RSPH9: variants seen among roughly 807,000 people sequenced by gnomAD.
RSPH9 encodes radial spoke head protein 9 homolog.
RSPH9 carries 27 observed loss-of-function variants against 27.0 expected under a neutral mutation model. That is an observed-to-expected ratio of 1.00 (90% confidence interval 0.74 to 1.38). The LOEUF (loss-of-function observed/expected upper bound fraction) is 1.38, where lower values mean the gene tolerates loss of function less well. RSPH9 is among the 40% of genes most tolerant of loss of function. The pLI, the probability that RSPH9 is intolerant of heterozygous loss-of-function variation, is 0.00. For synonymous variants in RSPH9, 145 were observed against 147.7 expected (o/e 0.98, Z 0.13); for missense variants, 347 against 357.4 (o/e 0.97, Z 0.24).
At chr6:43,663,540 C>A (rs1044178018) in intron 4 of RSPH9, among the ~76,000 whole-genome samples, 11 of 152,056 alleles carry the variant, frequency 7.2e-5, no homozygotes, top group African/African-American at 2.4e-4. Context: ...ATTAATTGGC[C>A]TAATTTCATG....
intron 4 of RSPH9, among the ~76,000 whole-genome samples, chr6:43,667,636 C>A (rs978690287): frequency 3.9e-5 from 6 of 152,208 alleles, no homozygotes; most frequent in African/African-American, 1.4e-4. Context: ...ACGGGGCCTG[C>A]CTTTGCTACT....
At chr6:43,656,093 T>C (rs28721527) in intron 3 of RSPH9, among the ~76,000 whole-genome samples, 27,624 of 136,970 alleles carry the variant, frequency 0.2, 4,761 homozygotes, top group African/African-American at 0.45. Context: ...TCCCTCCCTT[T>C]GTTTCTTTCT....
Position 43,645,295 on chromosome 6 carries a change from A to C in RSPH9, c.197A>C (p.Asp66Ala). The C allele has an allele frequency of 6.9e-7, 1 of 1,440,076 alleles. No individual in the cohort carries two copies. Among genetic ancestry groups the C allele is most frequent in the Non-Finnish European group, 9.3e-7 (1 of 1,071,016 alleles). The allele number at this position is 1,440,076 out of a possible 1,614,324, so 89.2% of individuals were successfully genotyped here. The change falls in exon 1 of 5, where the codon GAC (aspartate) becomes GCC (alanine). Residue 66 changes from aspartate to alanine, a missense_variant. Transcript: ENST00000372163. ...TACATCGCGCAGGGCCTGAGTGAGG[A>C]CCAGCTCGCACCGCGCAAGACGCTC... is the stretch of plus-strand genomic sequence containing the variant. Reference protein sequence around the residue: ...DYYIAQGLSEDQLAPRKTLYS... With the variant: ...DYYIAQGLSEAQLAPRKTLYS...
At chr6:43,666,117 T>C (rs969827824) in intron 4 of RSPH9, among the ~76,000 whole-genome samples, 1 of 152,140 alleles carries the variant, frequency 6.6e-6, no homozygotes, top group East Asian at 1.9e-4. Context: ...TAAGCCACCG[T>C]GCCCAGCCTA....
Position 43,671,700 on chromosome 6 carries a change from G to A in RSPH9, c.*751G>A. On this transcript the variant is annotated 3_prime_UTR_variant, in exon 5 of 5. Transcript: ENST00000372163. ...GGAGTATAGTTGTGGCCAAGGGCTTGTGAGTGGGCCTCCTACTCCCCAGCA... is the reference window on the plus strand; with the variant it reads ...GGAGTATAGTTGTGGCCAAGGGCTTATGAGTGGGCCTCCTACTCCCCAGCA... 4.4e-6 allele frequency: 7 copies of A among 1,598,982 alleles called. No individual in the cohort carries two copies. The highest frequency in any genetic ancestry group is 4.3e-6 in the Non-Finnish European group (5 of 1,167,554).
intron 2 of RSPH9, among the ~76,000 whole-genome samples, chr6:43,650,903 T>C (rs900919898): frequency 8.4e-6 from 1 of 118,600 alleles, no homozygotes; most frequent in Admixed American, 8.0e-5. Flanking sequence ...AGACCCTGTC[T>C]ATAAAAAAAA....
At chr6:43,667,168 TC>T (rs1294563271) in intron 4 of RSPH9, among the ~76,000 whole-genome samples, 2 of 152,104 alleles carry the variant, frequency 1.3e-5, no homozygotes, top group East Asian at 3.9e-4. Flanking sequence ...GAAAAACACC[TC>T]CCTTGCCTCA....
At chr6:43,660,351 G>A (rs922365632) in intron 4 of RSPH9, among the ~76,000 whole-genome samples, 8 of 152,032 alleles carry the variant, frequency 5.3e-5, no homozygotes, top group African/African-American at 1.2e-4. Flanking sequence ...CTCCACTGAC[G>A]TCTTGAACCT....
At position 43,656,051 on chromosome 6, in the gene RSPH9, CTTT is replaced by C. The variant is rs1365630823; in HGVS notation, c.523+361_523+363del. On this transcript the variant is annotated intron_variant, in intron 3 of 4. Transcript: ENST00000372163. Reference sequence around the variant, plus strand: ...TTCCTTCCTTCCCCTTCTTTCCCTTCTTTCCCTTCTTTCCCTCCTTCCCTCCCT... The same window carrying C: ...TTCCTTCCTTCCCCTTCTTTCCCTTCCCCTTCTTTCCCTCCTTCCCTCCCT... Among the ~76,000 whole-genome samples, 996 of 142,784 alleles carry C rather than the reference CTTT, an allele frequency of 7.0e-3. 4 individuals are homozygous for C. The highest frequency in any genetic ancestry group is 0.012 in the Non-Finnish European group (763 of 64,882). The allele number at this position is 142,784 out of a possible 152,430, so 93.7% of individuals were successfully genotyped here. A position where few individuals can be genotyped will look rare whatever the true frequency, so the allele number is the denominator to read the frequency against.
intron 4 of RSPH9, among the ~76,000 whole-genome samples, chr6:43,668,480 C>T (rs1773377219): frequency 6.6e-6 from 1 of 152,218 alleles, no homozygotes; most frequent in African/African-American, 2.4e-5. Context: ...ACTGTATTTC[C>T]CTAGCTCCCC....
chr6:43,652,134 G>C (rs570539449), intron 2 of RSPH9, among the ~76,000 whole-genome samples: 2 of 151,264 alleles, frequency 1.3e-5, no homozygotes, highest in Non-Finnish European at 2.9e-5. Flanking sequence ...GTGAAACCCT[G>C]TATCTACTAA....
chr6:43,666,604 T>G (rs1420313810), intron 4 of RSPH9: 5 of 878,824 alleles, frequency 5.7e-6, no homozygotes. Context: ...AGAGCTGTTG[T>G]CCTCATGAGT....
In RSPH9 at chr6:43,645,304, C is replaced by T; in HGVS notation, c.206C>T (p.Ala69Val). 6.2e-7 allele frequency: 1 copy of T among 1,613,694 alleles called. No individual in the cohort carries two copies. The highest frequency in any genetic ancestry group is 8.5e-7 in the Non-Finnish European group (1 of 1,179,984). The change falls in exon 1 of 5, where the codon GCA (alanine) becomes GTA (valine). Residue 69 changes from alanine to valine, a missense_variant. Transcript: ENST00000372163. Reference protein sequence around the residue: ...IAQGLSEDQLAPRKTLYSLNC... With the variant: ...IAQGLSEDQLVPRKTLYSLNC... ...CAGGGCCTGAGTGAGGACCAGCTCG[C>T]ACCGCGCAAGACGCTCTATAGGTGA...
rs77058580 is a variant in RSPH9 at position 43,664,182 on chromosome 6, G to A, written c.671-6607G>A. Among the ~76,000 whole-genome samples, 1,193 of 152,244 alleles carry A rather than the reference G, an allele frequency of 7.8e-3. 5 individuals are homozygous for A. The highest frequency in any genetic ancestry group is 0.012 in the Non-Finnish European group (846 of 68,022). Reference sequence around the variant, plus strand: ...ATAAAAACTGCAGTGTTTGTGAAGAGCAATATATCAAAGTAAACCTGTGAT... The same window carrying A: ...ATAAAAACTGCAGTGTTTGTGAAGAACAATATATCAAAGTAAACCTGTGAT... On this transcript the variant is annotated intron_variant, in intron 4 of 4. Transcript: ENST00000372163.
chr6:43,671,065 CAG>C lies in RSPH9; in HGVS notation c.*118_*119del. 3.0e-6 allele frequency: 4 copies of C among 1,352,192 alleles called. No homozygotes were observed. The South Asian group carries it at 5.1e-5, about 17-fold the overall frequency. 83.8% of individuals were successfully genotyped at this position (1,352,192 alleles called of 1,614,324 possible). On this transcript the variant is annotated 3_prime_UTR_variant, in exon 5 of 5. Coordinates refer to ENST00000372163, the MANE Select transcript of RSPH9 (RefSeq NM_152732.5). ...TCTTAACTCCACCTCCGTCTGGTTC[CAG>C]ATTCTGAAAGGCCCACTGAGCCAGG...
chr6:43,668,258 T>C (rs1290654102), intron 4 of RSPH9, among the ~76,000 whole-genome samples: 1 of 152,182 alleles, frequency 6.6e-6, no homozygotes, highest in Non-Finnish European at 1.5e-5. Context: ...CAGCAAGTGC[T>C]TGGCTCTTCA....
At chr6:43,647,451 A>G (rs983478460) in intron 1 of RSPH9, among the ~76,000 whole-genome samples, 11 of 152,226 alleles carry the variant, frequency 7.2e-5, no homozygotes, top group African/African-American at 2.2e-4. Context: ...AGGAAGAGGT[A>G]TCCGAGGGAA....
Position 43,671,887 on chromosome 6 carries a change from G to A in RSPH9, c.*938G>A. The A allele has an allele frequency of 6.2e-7, 1 of 1,612,326 alleles. No homozygotes were observed. The highest frequency in any genetic ancestry group is 8.5e-7 in the Non-Finnish European group (1 of 1,179,102). On this transcript the variant is annotated 3_prime_UTR_variant, in exon 5 of 5. Transcript: ENST00000372163. Reference sequence around the variant, plus strand: ...TTGTAGATGGGCTTGACGGAGCCAGGAGCCCAGCGCGTCAGGTACCTGTGG... The same window carrying A: ...TTGTAGATGGGCTTGACGGAGCCAGAAGCCCAGCGCGTCAGGTACCTGTGG...
chr6:43,655,776 G>A, intron 3 of RSPH9, 85 bp downstream of exon 3: 1 of 1,487,514 alleles, frequency 6.7e-7, no homozygotes, highest in Admixed American at 1.7e-5. Context: ...CCAGCAGGGG[G>A]GCTTACACAC....
Sources: gnomAD v4.1 joint callset for allele counts (sites outside exome capture counted in the v4.1 genomes callset) on GRCh38, gnomAD v4.1.1 for gene constraint, MANE v1.5 for transcripts, NCBI Gene and HGNC (gene_info 2026-07-23, HGNC 2026-07-21) for gene names.